Variants in PRRX1 observed in about 807,000 individuals in gnomAD.
PRRX1 encodes paired mesoderm homeobox protein 1.
A neutral mutation model predicts 24.0 loss-of-function variants in PRRX1; 8 were observed. That is an observed-to-expected ratio of 0.33 (90% confidence interval 0.20 to 0.60). The LOEUF (loss-of-function observed/expected upper bound fraction) is 0.60, where lower values mean the gene tolerates loss of function less well. PRRX1 is among the 20% of genes least tolerant of loss of function. PRRX1 has a pLI of 0.82. For synonymous variants in PRRX1, 160 were observed against 131.7 expected, an observed-to-expected ratio of 1.22 and a Z score of -1.47; for missense variants, 281 against 322.4, an observed-to-expected ratio of 0.87 and a Z score of 0.98.
At chr1:170,700,232 T>C (rs902414321) in intron 1 of PRRX1, among the ~76,000 whole-genome samples, 3 of 152,200 alleles carry the variant, frequency 2.0e-5, no homozygotes, top group African/African-American at 7.2e-5. Flanking sequence ...AAATAATTCC[T>C]GAGCCCAGGA....
chr1:170,707,041 C>G (rs1327166969), intron 1 of PRRX1, among the ~76,000 whole-genome samples: 3 of 151,908 alleles, frequency 2.0e-5, no homozygotes. Context: ...AGGAGGATCA[C>G]TTGAGCCCAG....
intron 1 of PRRX1, among the ~76,000 whole-genome samples, chr1:170,672,783 T>C (rs1653182711): frequency 6.6e-6 from 1 of 152,312 alleles, no homozygotes; most frequent in South Asian, 2.1e-4. Flanking sequence ...TTTCCATTGT[T>C]ATTTTCCACA....
chr1:170,726,764 C>T (rs1368026225), intron 3 of PRRX1: 4 of 188,212 alleles, frequency 2.1e-5, no homozygotes, highest in Non-Finnish European at 4.4e-5. Flanking sequence ...AAGCTAAATT[C>T]GTTGTATTAT....
At chr1:170,680,237 C>T (rs1221632995) in intron 1 of PRRX1, among the ~76,000 whole-genome samples, 5 of 151,914 alleles carry the variant, frequency 3.3e-5, no homozygotes, top group Non-Finnish European at 7.4e-5. Context: ...TGTATTTGTT[C>T]ATCTGCCCTG....
At chr1:170,674,845 G>A (rs554157366) in intron 1 of PRRX1, among the ~76,000 whole-genome samples, 1 of 152,122 alleles carries the variant, frequency 6.6e-6, no homozygotes, top group South Asian at 2.1e-4. Context: ...ATTGAAACGG[G>A]ACTATCAAGA....
chr1:170,689,839 C>CTCCCT (rs1558049688), intron 1 of PRRX1, among the ~76,000 whole-genome samples: 9 of 91,602 alleles, frequency 9.8e-5, no homozygotes, highest in African/African-American at 3.7e-4. Flanking sequence ...TCTCTCTCTC[C>CTCCCT]CTCTCTCTCT....
chr1:170,694,881 G>C (rs918079738), intron 1 of PRRX1, among the ~76,000 whole-genome samples: 1 of 152,030 alleles, frequency 6.6e-6, no homozygotes, highest in African/African-American at 2.4e-5. Flanking sequence ...TTAAAATAAC[G>C]GTAGACTTAA....
chr1:170,726,439 CAT>C, intron 3 of PRRX1, 38 bp downstream of exon 3: 1 of 1,599,152 alleles, frequency 6.3e-7, no homozygotes, highest in East Asian at 2.2e-5. Flanking sequence ...TCCACTTCCA[CAT>C]GTTTCTCAGC....
At chr1:170,718,304 C>G (rs952922093) in intron 1 of PRRX1, among the ~76,000 whole-genome samples, 1 of 152,186 alleles carries the variant, frequency 6.6e-6, no homozygotes, top group Non-Finnish European at 1.5e-5. Flanking sequence ...GAAGGATTCT[C>G]TTAGCAAAAG....
intron 1 of PRRX1, among the ~76,000 whole-genome samples, chr1:170,680,030 C>T (rs1264622519): frequency 6.6e-6 from 1 of 152,162 alleles, no homozygotes; most frequent in Admixed American, 6.5e-5. Context: ...GAAATTTCAA[C>T]ATAACCTATC....
At position 170,672,049 on chromosome 1, in the gene PRRX1, G is replaced by A. The variant is rs551332571; in HGVS notation, c.241+7590G>A. On this transcript the variant is annotated intron_variant, in intron 1 of 3. Coordinates refer to ENST00000239461, the MANE Select transcript of PRRX1 (RefSeq NM_022716.4). ...TAGAGTTTTAGGCCCTGGGATCAGGGTAACCTTTCCTCCTCACGAAAGAAC... is the reference window on the plus strand; with the variant it reads ...TAGAGTTTTAGGCCCTGGGATCAGGATAACCTTTCCTCCTCACGAAAGAAC... 5.3e-5 allele frequency among the ~76,000 whole-genome samples: 8 copies of A among 152,194 alleles called. No individual in the cohort carries two copies. In the East Asian group the frequency reaches 1.4e-3, roughly 26 times the overall value.
At chr1:170,675,677 T>G (rs1289235311) in intron 1 of PRRX1, among the ~76,000 whole-genome samples, 3 of 152,180 alleles carry the variant, frequency 2.0e-5, no homozygotes, top group Non-Finnish European at 4.4e-5. Context: ...TCAGCTTTTT[T>G]AATGTGATAA....
intron 1 of PRRX1, among the ~76,000 whole-genome samples, chr1:170,686,370 G>A (rs747457749): frequency 2.6e-5 from 4 of 152,134 alleles, no homozygotes; most frequent in Admixed American, 6.5e-5. Flanking sequence ...GCACTGGGGC[G>A]TAGGGGAAGC....
intron 1 of PRRX1, among the ~76,000 whole-genome samples, chr1:170,674,921 C>T (rs1037980898): frequency 2.0e-5 from 3 of 152,206 alleles, no homozygotes; most frequent in Non-Finnish European, 2.9e-5. Flanking sequence ...TTTTCTCTTA[C>T]ACTTTTTACA....
intron 2 of PRRX1, 110 bp from the exon 3 acceptor site, chr1:170,726,110 T>C: frequency 9.3e-7 from 1 of 1,074,080 alleles, no homozygotes; most frequent in Middle Eastern, 2.3e-4. Flanking sequence ...TATATCTTCT[T>C]TGGGAAGGCA....
chr1:170,674,226 G>A (rs549567106), intron 1 of PRRX1, among the ~76,000 whole-genome samples: 10 of 151,544 alleles, frequency 6.6e-5, no homozygotes, highest in Middle Eastern at 3.4e-3. Flanking sequence ...ACGTGTGCGC[G>A]CTTGCGCACG....
chr1:170,733,587 A>G (rs893233512), intron 3 of PRRX1, among the ~76,000 whole-genome samples: 1 of 152,170 alleles, frequency 6.6e-6, no homozygotes, highest in Non-Finnish European at 1.5e-5. Context: ...AGCAAATAAT[A>G]CAGACAACTC....
At chr1:170,672,913 C>T (rs1225818955) in intron 1 of PRRX1, among the ~76,000 whole-genome samples, 1 of 152,164 alleles carries the variant, frequency 6.6e-6, no homozygotes, top group Non-Finnish European at 1.5e-5. Context: ...ACTCTCTCTG[C>T]TTCAGCAGTT....
chr1:170,669,874 T>C (rs1295165030), intron 1 of PRRX1, among the ~76,000 whole-genome samples: 1 of 152,198 alleles, frequency 6.6e-6, no homozygotes, highest in South Asian at 2.1e-4. Flanking sequence ...GAACAACTTT[T>C]TGAAATCGGG....
Sources: allele counts gnomAD v4.1 joint callset (sites outside exome capture counted in the v4.1 genomes callset), GRCh38; gene constraint gnomAD v4.1.1; transcripts MANE v1.5; gene names NCBI Gene and HGNC (gene_info 2026-07-23, HGNC 2026-07-21).